The following CUX2 variants were observed in gnomAD, a reference collection of about 807,000 sequenced individuals.
CUX2 encodes cut like homeobox 2, also known as homeobox protein cut-like 2.
CUX2 carries 40 observed loss-of-function variants against 144.8 expected under a neutral mutation model. The observed-to-expected ratio is 0.28, with a 90% CI of 0.21 to 0.36. CUX2 has a LOEUF of 0.36. Among genes scored for constraint, CUX2 ranks in the 10% least tolerant of loss-of-function variants. CUX2 has a pLI of 1.00. For missense variants in CUX2, 1,615 were observed against 1,994.0 expected (o/e 0.81, Z 3.62); for synonymous variants, 827 against 875.6 (o/e 0.94, Z 0.98).
Position 111,347,504 on chromosome 12 carries a change from C to T in CUX2, c.3660-20C>T, listed in dbSNP as rs928203601. 2 of 1,564,308 alleles carry T rather than the reference C, an allele frequency of 1.3e-6. No homozygotes were observed. The highest frequency in any genetic ancestry group is 2.0e-4 in the Middle Eastern group (1 of 5,094). On this transcript the variant is annotated intron_variant, in intron 21 of 21. Transcript: ENST00000261726. ...GGAGTCCCCTGTCCAGCCCCAGGCTCACCGCCGTCTCTGCCCCAGGTCCCG... is the reference window on the plus strand; with the variant it reads ...GGAGTCCCCTGTCCAGCCCCAGGCTTACCGCCGTCTCTGCCCCAGGTCCCG...
rs778504117 is a variant in CUX2 at position 111,338,388 on chromosome 12, G to A, written c.3299G>A (p.Arg1100Gln). 3.1e-6 allele frequency: 5 copies of A among 1,613,988 alleles called. No individual in the cohort carries two copies. Among genetic ancestry groups the A allele is most frequent in the Non-Finnish European group, 3.4e-6 (4 of 1,180,004 alleles). The change falls in exon 20 of 22, where the codon CGG becomes CAG. Residue 1100 changes from arginine (R) to glutamine (Q), a missense_variant. By Grantham distance (43) the Arg-to-Gln change is conservative. Coordinates refer to ENST00000261726, the MANE Select transcript of CUX2 (RefSeq NM_015267.4). ...TGGCACAAGCTGAGCCTGAAGGGGC[G>A]GGAGCCTTTTGTCCGCATGCAGCTG... ...KPWHKLSLKGREPFVRMQLWL... is the reference protein window; with the variant it reads ...KPWHKLSLKGQEPFVRMQLWL...
intron 18 of CUX2, among the ~76,000 whole-genome samples, chr12:111,329,613 A>C (rs1448674750): frequency 6.6e-6 from 1 of 151,482 alleles, no homozygotes; most frequent in African/African-American, 2.4e-5. Flanking sequence ...GCCTTCAAAG[A>C]CCCTCAGTTT....
chr12:111,310,207 T>C lies in CUX2; in HGVS notation c.1425T>C (p.Thr475=). 1 of 1,517,886 alleles carries C rather than the reference T, an allele frequency of 6.6e-7. No homozygotes were observed. The highest frequency in any genetic ancestry group is 8.8e-7 in the Non-Finnish European group (1 of 1,133,700). The allele number at this position is 1,517,886 out of a possible 1,614,324, so 94.0% of individuals were successfully genotyped here. A position where few individuals can be genotyped will look rare whatever the true frequency, so the allele number is the denominator to read the frequency against. ...GPSLGPDGTR[T]FSLSPFPSLA... ...GCTTGGGGCCTGACGGCACTCGGACTTTCTCGCTGTCCCCCTTCCCCAGCC... is the reference window on the plus strand; with the variant it reads ...GCTTGGGGCCTGACGGCACTCGGACCTTCTCGCTGTCCCCCTTCCCCAGCC... The change falls in exon 15 of 22, where the codon ACT becomes ACC. Residue 475 remains threonine (T), a synonymous_variant. Coordinates refer to ENST00000261726, the MANE Select transcript of CUX2 (RefSeq NM_015267.4). The surrounding 1 kb of genome is among the most constrained non-coding windows in gnomAD (Gnocchi z 7.9).
At chr12:111,117,714 C>G (rs894186791) in intron 1 of CUX2, among the ~76,000 whole-genome samples, 4 of 152,150 alleles carry the variant, frequency 2.6e-5, no homozygotes, top group African/African-American at 7.2e-5. Flanking sequence ...CTTTTAACCC[C>G]ACAACAATCC....
chr12:111,046,858 C>T (rs561196623), intron 1 of CUX2, among the ~76,000 whole-genome samples: 3 of 152,272 alleles, frequency 2.0e-5, no homozygotes, highest in South Asian at 4.1e-4. Flanking sequence ...GGTTTCACCA[C>T]GTCGGCCAGG....
At chr12:111,248,065 T>C (rs538269053) in intron 3 of CUX2, among the ~76,000 whole-genome samples, 90 of 152,228 alleles carry the variant, frequency 5.9e-4, no homozygotes, top group Admixed American at 2.0e-3. Flanking sequence ...CTGGCTAATT[T>C]TTTTTCCATA....
At position 111,260,437 on chromosome 12, in the gene CUX2, C is replaced by A. The variant is rs143684793; in HGVS notation, c.223-3324C>A. ...CAAGATCGTGCCACTGCACTCCAGC[C>A]TGGGCTACAGAGCGAGACTCTGTCT... On this transcript the variant is annotated intron_variant, in intron 3 of 21. Transcript: ENST00000261726. Among the ~76,000 whole-genome samples, 729 of 152,124 alleles carry A rather than the reference C, an allele frequency of 4.8e-3. 6 individuals carry two copies. The highest frequency in any genetic ancestry group is 0.017 in the African/African-American group (700 of 41,478).
At chr12:111,036,707 A>G (rs1210694755) in intron 1 of CUX2, among the ~76,000 whole-genome samples, 1 of 149,402 alleles carries the variant, frequency 6.7e-6, no homozygotes, top group African/African-American at 2.5e-5. Context: ...AGGGGGGTAA[A>G]CTCATTTACA....
Position 111,334,477 on chromosome 12 carries a change from C to T in CUX2, c.2963C>T (p.Pro988Leu), listed in dbSNP as rs1427079925. 1.2e-6 allele frequency: 2 copies of T among 1,607,674 alleles called. No individual in the cohort carries two copies. The highest frequency in any genetic ancestry group is 3.4e-5 in the Admixed American group (2 of 58,592). ...PTEPRSSPSP[P>L]PSPTEPEKSS... is the part of the protein sequence containing the mutation. The stretch of plus-strand genomic sequence containing the variant: ...GAACCAAGGTCCTCACCATCCCCAC[C>T]CCCCAGCCCCACAGAGCCTGAGAAG... Residue 988 changes from proline (P) to leucine (L), a missense_variant, in exon 19 of 22, where the codon CCC becomes CTC. Transcript: ENST00000261726.
chr12:111,105,722 CCT>C (rs1873559775), intron 1 of CUX2, among the ~76,000 whole-genome samples: 1 of 152,188 alleles, frequency 6.6e-6, no homozygotes, highest in Admixed American at 6.5e-5. Flanking sequence ...AGTGGCTTCA[CCT>C]CTCTGTGACT....
intron 3 of CUX2, among the ~76,000 whole-genome samples, chr12:111,248,437 C>G (rs960029033): frequency 6.6e-6 from 1 of 152,182 alleles, no homozygotes; most frequent in Non-Finnish European, 1.5e-5. Context: ...GTGCAGGACT[C>G]ACATGGAGGT....
intron 1 of CUX2, among the ~76,000 whole-genome samples, chr12:111,154,480 C>A (rs891159127): frequency 1.3e-5 from 2 of 152,110 alleles, no homozygotes; most frequent in Admixed American, 6.5e-5. Flanking sequence ...GCCAGCCGGG[C>A]CACCTTTTTG....
intron 1 of CUX2, among the ~76,000 whole-genome samples, chr12:111,096,989 A>G (rs1872855934): frequency 6.6e-6 from 1 of 152,106 alleles, no homozygotes; most frequent in Admixed American, 6.5e-5. Flanking sequence ...AAAAAAAAAG[A>G]AAAAGAAGAA....
chr12:111,201,064 G>T (rs1395576398), intron 1 of CUX2, among the ~76,000 whole-genome samples: 1 of 151,992 alleles, frequency 6.6e-6, no homozygotes, highest in Non-Finnish European at 1.5e-5. Flanking sequence ...GGCTAAAATG[G>T]CTTGTGACCA....
At chr12:111,121,754 T>A (rs1212125874) in intron 1 of CUX2, among the ~76,000 whole-genome samples, 1 of 152,086 alleles carries the variant, frequency 6.6e-6, no homozygotes, top group Non-Finnish European at 1.5e-5. Flanking sequence ...CATTGAAATA[T>A]GACTGTATAA....
intron 3 of CUX2, among the ~76,000 whole-genome samples, chr12:111,233,664 G>C (rs932027873): frequency 6.6e-6 from 1 of 152,142 alleles, no homozygotes; most frequent in African/African-American, 2.4e-5. Flanking sequence ...CTGGTTATCC[G>C]ACATCTGGGC....
At chr12:111,342,746 G>A (rs936001922) in intron 21 of CUX2, among the ~76,000 whole-genome samples, 9 of 152,068 alleles carry the variant, frequency 5.9e-5, no homozygotes, top group Non-Finnish European at 1.2e-4. Flanking sequence ...ATCACCTGAG[G>A]TCAGGAGTTC....
rs1309780276 is a variant in CUX2, at chr12:111,186,765, C to T, written c.64-27435C>T. Among the ~76,000 whole-genome samples, 1 of 150,082 alleles carries T rather than the reference C, an allele frequency of 6.7e-6. No individual in the cohort carries two copies. Among genetic ancestry groups the T allele is most frequent in the African/African-American group, 2.5e-5 (1 of 40,198 alleles). ...CTGAGACATGTGCAGGTATTAAAAT[C>T]GATATGATGTGTGTATGTTTTTTTT... On this transcript the variant is annotated intron_variant, in intron 1 of 21. Coordinates refer to ENST00000261726, the MANE Select transcript of CUX2 (RefSeq NM_015267.4). The surrounding 1 kb of genome is among the most constrained non-coding windows in gnomAD (Gnocchi z 4.4).
intron 1 of CUX2, among the ~76,000 whole-genome samples, chr12:111,135,206 AAAGAG>A (rs1388354954): frequency 6.6e-6 from 1 of 151,660 alleles, no homozygotes; most frequent in Non-Finnish European, 1.5e-5. Flanking sequence ...AAGAAAAAAA[AAAGAG>A]AAGAAAGAAT....
Sources: gnomAD v4.1 joint callset for allele counts (sites outside exome capture counted in the v4.1 genomes callset) on GRCh38, gnomAD v4.1.1 for gene constraint, Gnocchi (gnomAD v3.1) non-coding constraint, MANE v1.5 for transcripts, NCBI Gene and HGNC (gene_info 2026-07-23, HGNC 2026-07-21) for gene names.